The following CSMD3 variants were observed in gnomAD, a reference collection of about 807,000 sequenced individuals.
The protein encoded by CSMD3 is CUB and Sushi multiple domains 3.
A neutral mutation model predicts 435.2 loss-of-function variants in CSMD3; 177 were observed. The observed-to-expected ratio is 0.41, with a 90% CI of 0.36 to 0.46. The LOEUF is 0.46. Ranked by LOEUF, CSMD3 falls within the 20% of genes least tolerant of loss-of-function variation. The pLI is 0.34. For missense variants in CSMD3, 4,265 were observed against 4,504.6 expected (o/e 0.95, Z 1.52); for synonymous variants, 1,656 against 1,520.5 (o/e 1.09, Z -2.07).
intron 32 of CSMD3, among the ~76,000 whole-genome samples, chr8:112,462,442 T>C (rs1225997463): frequency 6.6e-6 from 1 of 152,228 alleles, no homozygotes; most frequent in Non-Finnish European, 1.5e-5. Flanking sequence ...GCATAACTTA[T>C]TTTCTATAAC....
chr8:112,638,071 T>C (rs930010768), intron 21 of CSMD3, among the ~76,000 whole-genome samples: 56 of 151,642 alleles, frequency 3.7e-4, no homozygotes, highest in African/African-American at 1.2e-3. Flanking sequence ...TTTTTCCCCC[T>C]GTAATCTAAG....
intron 1 of CSMD3, among the ~76,000 whole-genome samples, chr8:113,327,594 G>A (rs946311330): frequency 3.9e-5 from 6 of 152,030 alleles, no homozygotes; most frequent in Admixed American, 6.6e-5. Flanking sequence ...AGCAATCAGG[G>A]GGAACAGACC....
chr8:113,173,894 T>G lies in CSMD3; in HGVS notation c.537A>C (p.Gly179=). ...YYEELQSSSC[G]NPGVPPKGVL... is the part of the protein sequence containing the mutation. ...CACCTTTGGGTGGAACACCAGGATT[T>G]CCACAAGAGCTACTCTGCAATTCTA... The change falls in exon 4 of 71, where the codon GGA becomes GGC. Residue 179 remains glycine (G), a synonymous_variant. Coordinates refer to ENST00000297405, the MANE Select transcript of CSMD3 (RefSeq NM_198123.2). 1 of 1,613,562 alleles carries G rather than the reference T, an allele frequency of 6.2e-7. No homozygotes were observed. The highest frequency in any genetic ancestry group is 1.1e-5 in the South Asian group (1 of 91,082).
chr8:112,642,984 A>C (rs2074876235), intron 20 of CSMD3, among the ~76,000 whole-genome samples: 1 of 152,192 alleles, frequency 6.6e-6, no homozygotes, highest in Admixed American at 6.5e-5. Flanking sequence ...GAGGAAGTTG[A>C]TTAGAGTGGT....
Position 113,360,501 on chromosome 8 carries a change from A to G in CSMD3, c.179-45708T>C, listed in dbSNP as rs191898928. Among the ~76,000 whole-genome samples the G allele has an allele frequency of 8.7e-4, 133 of 152,142 alleles. 1 individual carries two copies. The highest frequency in any genetic ancestry group is 4.1e-4 in the Non-Finnish European group (28 of 67,980). On this transcript the variant is annotated intron_variant, in intron 1 of 70. Transcript: ENST00000297405. Reference sequence around the variant, plus strand: ...CATCAATTTACACTGGGACACATGTAAAAGTGATGACACTATAAACTTAAG... The same window carrying G: ...CATCAATTTACACTGGGACACATGTGAAAGTGATGACACTATAAACTTAAG...
At chr8:112,870,504 C>A (rs1264025823) in intron 10 of CSMD3, among the ~76,000 whole-genome samples, 4 of 151,574 alleles carry the variant, frequency 2.6e-5, no homozygotes, top group African/African-American at 9.7e-5. Context: ...TCTCGATCTT[C>A]TGACCTTGTG....
intron 1 of CSMD3, among the ~76,000 whole-genome samples, chr8:113,366,301 A>C (rs2094310910): frequency 6.6e-6 from 1 of 152,008 alleles, no homozygotes; most frequent in African/African-American, 2.4e-5. Flanking sequence ...TTTATAGGAC[A>C]CAAGGATAAA....
intron 1 of CSMD3, among the ~76,000 whole-genome samples, chr8:113,355,747 T>TAC (rs1435607560): frequency 0.027 from 2,327 of 87,264 alleles, 31 homozygotes; most frequent in East Asian, 0.038. Context: ...TATATATATA[T>TAC]ATACACACAC....
At chr8:113,146,984 G>GCA (rs1386262185) in intron 4 of CSMD3, among the ~76,000 whole-genome samples, 1 of 151,634 alleles carries the variant, frequency 6.6e-6, no homozygotes, top group Non-Finnish European at 1.5e-5. Context: ...AAGGTGATAT[G>GCA]CACAACTGAG....
chr8:112,368,908 T>C (rs1475231019), intron 38 of CSMD3, among the ~76,000 whole-genome samples: 1 of 152,184 alleles, frequency 6.6e-6, no homozygotes, highest in Non-Finnish European at 1.5e-5. Flanking sequence ...ATGAAACATT[T>C]AGCAATGTGC....
Position 112,712,930 on chromosome 8 carries a change from A to G in CSMD3, c.1973-22880T>C, listed in dbSNP as rs113930211. Among the ~76,000 whole-genome samples, 230 of 152,286 alleles carry G rather than the reference A, an allele frequency of 1.5e-3. 3 individuals carry two copies. The highest frequency in any genetic ancestry group is 5.3e-3 in the African/African-American group (221 of 41,570). ...GAAGCTGGTTATTAGTCTGTCCTTA[A>G]AAATAGATTCTAAGGGGCAGGGCCA... On this transcript the variant is annotated intron_variant, in intron 13 of 70. Coordinates refer to ENST00000297405, the MANE Select transcript of CSMD3 (RefSeq NM_198123.2).
At chr8:112,925,850 C>T (rs2082894403) in intron 9 of CSMD3, among the ~76,000 whole-genome samples, 1 of 152,196 alleles carries the variant, frequency 6.6e-6, no homozygotes, top group Non-Finnish European at 1.5e-5. Flanking sequence ...AGGTCTGCTC[C>T]TGTTTATGCT....
chr8:112,387,929 A>G (rs1370285276), intron 36 of CSMD3, among the ~76,000 whole-genome samples: 1 of 152,214 alleles, frequency 6.6e-6, no homozygotes, highest in African/African-American at 2.4e-5. Context: ...CTTCCACTGT[A>G]CTAGTTGTCA....
chr8:112,974,299 A>G (rs1245967666), intron 7 of CSMD3, among the ~76,000 whole-genome samples: 1 of 151,904 alleles, frequency 6.6e-6, no homozygotes, highest in African/African-American at 2.4e-5. Flanking sequence ...TTATAACCAC[A>G]AAGTTTATCA....
chr8:112,528,019 C>T (rs1203624637), intron 27 of CSMD3, among the ~76,000 whole-genome samples: 1 of 152,074 alleles, frequency 6.6e-6, no homozygotes. Context: ...ATACAAGGTC[C>T]TGCTTTTTAA....
intron 13 of CSMD3, among the ~76,000 whole-genome samples, chr8:112,743,411 A>G (rs969602787): frequency 2.6e-5 from 4 of 151,958 alleles, no homozygotes; most frequent in Non-Finnish European, 4.4e-5. Context: ...TAGCAAGAGC[A>G]TATCAGTCTT....
At chr8:112,976,957 G>A (rs1322225056) in intron 6 of CSMD3, among the ~76,000 whole-genome samples, 1 of 151,906 alleles carries the variant, frequency 6.6e-6, no homozygotes, top group Non-Finnish European at 1.5e-5. Context: ...TTCAGAGTGT[G>A]TATATGTGCG....
At chr8:112,624,049 G>A (rs1357176976) in intron 22 of CSMD3, among the ~76,000 whole-genome samples, 2 of 151,968 alleles carry the variant, frequency 1.3e-5, no homozygotes, top group African/African-American at 4.8e-5. Flanking sequence ...TTTAAAAAGT[G>A]TAAGTAATAG....
intron 22 of CSMD3, among the ~76,000 whole-genome samples, chr8:112,605,103 T>C (rs1038727469): frequency 6.6e-6 from 1 of 152,162 alleles, no homozygotes; most frequent in Non-Finnish European, 1.5e-5. Context: ...CCAGCCAGAA[T>C]AGCTATTAAT....
Sources: allele counts gnomAD v4.1 joint callset (sites outside exome capture counted in the v4.1 genomes callset), GRCh38; gene constraint gnomAD v4.1.1; transcripts MANE v1.5; gene names NCBI Gene and HGNC (gene_info 2026-07-23, HGNC 2026-07-21).